TRIM9: variants seen among roughly 807,000 people sequenced by gnomAD.
TRIM9 encodes tripartite motif containing 9.
TRIM9 carries 26 observed loss-of-function variants against 78.3 expected under a neutral mutation model. The ratio of observed to expected loss-of-function variants is 0.33; its 90% CI spans 0.24 to 0.46. The LOEUF (loss-of-function observed/expected upper bound fraction) is 0.46. Ranked by LOEUF, TRIM9 falls within the 20% of genes least tolerant of loss-of-function variation. The pLI is 1.00. For synonymous variants in TRIM9, 398 were observed against 416.5 expected, an observed-to-expected ratio of 0.96 and a Z score of 0.54; for missense variants, 787 against 1,036.4, an observed-to-expected ratio of 0.76 and a Z score of 3.30.
chr14:50,979,052 T>A, intron 12 of TRIM9: 3 of 1,312,490 alleles, frequency 2.3e-6, no homozygotes, highest in Non-Finnish European at 2.9e-6. Flanking sequence ...GTTAAGTCAT[T>A]CTATTTGTTT....
intron 1 of TRIM9, among the ~76,000 whole-genome samples, chr14:51,088,041 A>T (rs1412497423): frequency 6.6e-6 from 1 of 152,230 alleles, no homozygotes; most frequent in Non-Finnish European, 1.5e-5. Flanking sequence ...TACAAAACTT[A>T]TGTTAATTAT....
At chr14:51,005,100 A>G (rs188020592) in intron 5 of TRIM9, among the ~76,000 whole-genome samples, 1 of 152,324 alleles carries the variant, frequency 6.6e-6, no homozygotes, top group East Asian at 1.9e-4. Flanking sequence ...TATTACCGGT[A>G]CACTGTTAAA....
chr14:50,977,389 T>G (rs761555220), intron 12 of TRIM9, 36 bp from the exon 13 acceptor site: 1 of 1,469,534 alleles, frequency 6.8e-7, no homozygotes, highest in Non-Finnish European at 9.1e-7. Flanking sequence ...AGAGGCATCG[T>G]GCATCCCCCT....
chr14:51,065,973 AC>A (rs2061694323), intron 1 of TRIM9, among the ~76,000 whole-genome samples: 1 of 151,776 alleles, frequency 6.6e-6, no homozygotes, highest in Non-Finnish European at 1.5e-5. Context: ...AGCATCAAAT[AC>A]AGGGCCTGTG....
intron 7 of TRIM9, among the ~76,000 whole-genome samples, chr14:50,995,601 C>T (rs1476613613): frequency 1.3e-5 from 2 of 152,172 alleles, no homozygotes; most frequent in African/African-American, 4.8e-5. Context: ...AGACTAAATG[C>T]ATGTGATTAC....
intron 1 of TRIM9, among the ~76,000 whole-genome samples, chr14:51,081,683 T>C (rs758796672): frequency 1.3e-5 from 2 of 152,200 alleles, no homozygotes; most frequent in Non-Finnish European, 2.9e-5. Context: ...TCTGACTTGA[T>C]TGCAACCTTG....
chr14:51,077,437 G>C (rs555028522), intron 1 of TRIM9, among the ~76,000 whole-genome samples: 120 of 130,154 alleles, frequency 9.2e-4, no homozygotes, highest in Middle Eastern at 5.2e-3. Context: ...CTGTTGTCCA[G>C]GCTGGAGTGC....
At chr14:51,054,678 A>G (rs2060744137) in intron 1 of TRIM9, among the ~76,000 whole-genome samples, 2 of 152,068 alleles carry the variant, frequency 1.3e-5, no homozygotes, top group South Asian at 4.2e-4. Context: ...GGTTCAAGCT[A>G]TTCTCCTGCC....
chr14:50,979,042 G>A, intron 12 of TRIM9: 1 of 1,303,004 alleles, frequency 7.7e-7, no homozygotes, highest in Non-Finnish European at 9.7e-7. Flanking sequence ...CCTGAGCTTT[G>A]TTAAGTCATT....
chr14:51,023,882 C>T (rs892676178), intron 2 of TRIM9, among the ~76,000 whole-genome samples: 1 of 152,188 alleles, frequency 6.6e-6, no homozygotes, highest in African/African-American at 2.4e-5. Context: ...GCAAGAAAGG[C>T]ACAATTTAAA....
intron 1 of TRIM9, among the ~76,000 whole-genome samples, chr14:51,031,548 A>C (rs2058736380): frequency 6.6e-6 from 1 of 152,022 alleles, no homozygotes; most frequent in Non-Finnish European, 1.5e-5. Flanking sequence ...TGTAACTCTG[A>C]GCCCCTGCTC....
intron 1 of TRIM9, 103 bp downstream of exon 1, chr14:51,094,015 G>GC: frequency 8.4e-7 from 1 of 1,188,496 alleles, no homozygotes. Context: ...CCTGCATTGC[G>GC]CCCCCACTGG....
At chr14:51,083,526 A>G (rs1460495772) in intron 1 of TRIM9, among the ~76,000 whole-genome samples, 2 of 152,246 alleles carry the variant, frequency 1.3e-5, no homozygotes, top group East Asian at 3.9e-4. Flanking sequence ...TACAGGTGTG[A>G]GGTACCATGC....
chr14:51,093,452 A>C (rs1383187035), intron 1 of TRIM9, among the ~76,000 whole-genome samples: 1 of 152,222 alleles, frequency 6.6e-6, no homozygotes, highest in Non-Finnish European at 1.5e-5. Context: ...CCAACTCCGG[A>C]AGGGTTCAGG....
At chr14:51,075,915 G>C (rs2140270321) in intron 1 of TRIM9, among the ~76,000 whole-genome samples, 1 of 152,238 alleles carries the variant, frequency 6.6e-6, no homozygotes, top group African/African-American at 2.4e-5. Context: ...GATTACACAG[G>C]AATTCAACAA....
intron 1 of TRIM9, among the ~76,000 whole-genome samples, chr14:51,064,677 CA>C (rs76064637): frequency 6.0e-5 from 9 of 151,234 alleles, no homozygotes; most frequent in South Asian, 2.1e-4. Context: ...ATATCACACA[CA>C]AAAAAAATCC....
intron 1 of TRIM9, among the ~76,000 whole-genome samples, chr14:51,040,096 T>C (rs2059464527): frequency 1.3e-5 from 2 of 152,190 alleles, no homozygotes; most frequent in Admixed American, 1.3e-4. Context: ...CTTTTAAATA[T>C]ATAACAGGAT....
intron 7 of TRIM9, among the ~76,000 whole-genome samples, chr14:50,991,551 G>A (rs2053512249): frequency 6.6e-6 from 1 of 152,120 alleles, no homozygotes; most frequent in Admixed American, 6.6e-5. Flanking sequence ...CCATCTTTCA[G>A]TAGACCATAT....
At chr14:51,063,112 GATC>G (rs977184530) in intron 1 of TRIM9, among the ~76,000 whole-genome samples, 1 of 152,096 alleles carries the variant, frequency 6.6e-6, no homozygotes, top group Non-Finnish European at 1.5e-5. Flanking sequence ...AGGAAAAAAT[GATC>G]ATCATGTATG....
Sources: allele counts gnomAD v4.1 joint callset (sites outside exome capture counted in the v4.1 genomes callset), GRCh38; gene constraint gnomAD v4.1.1; transcripts MANE v1.5; gene names NCBI Gene and HGNC (gene_info 2026-07-23, HGNC 2026-07-21).